The following TRABD2B variants were observed in gnomAD, a reference collection of about 807,000 sequenced individuals.
TRABD2B encodes metalloprotease TIKI2.
A neutral mutation model predicts 40.1 loss-of-function variants in TRABD2B; 14 were observed. That is an observed-to-expected ratio of 0.35 (90% confidence interval 0.23 to 0.55). The LOEUF is 0.55. TRABD2B is among the 20% of genes least tolerant of loss of function. TRABD2B has a pLI of 0.90. For missense variants in TRABD2B, 541 were observed against 648.6 expected (o/e 0.83, Z 1.80); for synonymous variants, 263 against 277.0 (o/e 0.95, Z 0.50).
At chr1:47,797,618 T>C (rs1644765412) in intron 3 of TRABD2B, among the ~76,000 whole-genome samples, 2 of 152,128 alleles carry the variant, frequency 1.3e-5, no homozygotes, top group Non-Finnish European at 2.9e-5. Context: ...TGAAGGAAAC[T>C]GGGCTAGCTC....
At chr1:47,835,463 G>A (rs1645306210) in intron 2 of TRABD2B, among the ~76,000 whole-genome samples, 1 of 152,122 alleles carries the variant, frequency 6.6e-6, no homozygotes. Context: ...AATTCAAAGA[G>A]ATCCACACCC....
chr1:47,916,666 G>A lies in TRABD2B; in HGVS notation c.666+77368C>T, dbSNP rs573058323. ...CTGAATGACAAGAAAATCCACACAG[G>A]TGGAGAAGGGCCCATTAGGGAAGCT... On this transcript the variant is annotated intron_variant, in intron 2 of 6. Coordinates refer to ENST00000606738, the MANE Select transcript of TRABD2B (RefSeq NM_001194986.2). Among the ~76,000 whole-genome samples, 3 of 152,376 alleles carry A rather than the reference G, an allele frequency of 2.0e-5. No homozygotes were observed. In the East Asian group the frequency reaches 5.8e-4, roughly 29 times the overall value.
intron 2 of TRABD2B, among the ~76,000 whole-genome samples, chr1:47,914,993 G>T (rs1465691972): frequency 6.6e-6 from 1 of 152,204 alleles, no homozygotes; most frequent in African/African-American, 2.4e-5. Context: ...CATGAAAGCA[G>T]CCCACTTCAG....
intron 2 of TRABD2B, among the ~76,000 whole-genome samples, chr1:47,901,650 G>C (rs1463635835): frequency 6.6e-6 from 1 of 152,200 alleles, no homozygotes; most frequent in Non-Finnish European, 1.5e-5. Flanking sequence ...GGAAGCAACA[G>C]GTACATAAGA....
intron 3 of TRABD2B, chr1:47,795,793 C>T: frequency 2.7e-6 from 2 of 739,408 alleles, no homozygotes; most frequent in Non-Finnish European, 3.3e-6. Flanking sequence ...GGACATAATG[C>T]AAATGCCTCC....
chr1:47,789,286 C>T (rs906657936), intron 4 of TRABD2B, among the ~76,000 whole-genome samples: 3 of 152,170 alleles, frequency 2.0e-5, no homozygotes, highest in East Asian at 3.9e-4. Flanking sequence ...GAAAATCTTA[C>T]ACCCGTGACT....
At chr1:47,784,156 C>A (rs761369622) in intron 4 of TRABD2B, among the ~76,000 whole-genome samples, 2 of 152,146 alleles carry the variant, frequency 1.3e-5, no homozygotes, top group Non-Finnish European at 2.9e-5. Context: ...AGTGAGGGGA[C>A]GTGACTCGCC....
chr1:47,952,467 G>A (rs1051383389), intron 2 of TRABD2B, among the ~76,000 whole-genome samples: 5 of 152,168 alleles, frequency 3.3e-5, no homozygotes, highest in African/African-American at 1.2e-4. Context: ...ACAAACAGAA[G>A]AATGCCAGGC....
chr1:47,801,759 A>C, intron 2 of TRABD2B, 140 bp from the exon 3 acceptor site: 1 of 1,078,450 alleles, frequency 9.3e-7, no homozygotes, highest in Non-Finnish European at 1.3e-6. Context: ...CAGCTGGCTC[A>C]GGCTGTGTGT....
At chr1:47,961,771 C>T (rs1039484448) in intron 2 of TRABD2B, among the ~76,000 whole-genome samples, 8 of 152,168 alleles carry the variant, frequency 5.3e-5, no homozygotes, top group Non-Finnish European at 7.3e-5. Flanking sequence ...GGTGGGACTG[C>T]AAACTAGTTC....
intron 2 of TRABD2B, among the ~76,000 whole-genome samples, chr1:47,809,155 G>A (rs1570003762): frequency 6.6e-6 from 1 of 152,090 alleles, no homozygotes; most frequent in South Asian, 2.1e-4. Context: ...TCCCTCAGGA[G>A]AACTCTGAGC....
intron 2 of TRABD2B, among the ~76,000 whole-genome samples, chr1:47,935,668 C>A (rs1191373957): frequency 6.6e-6 from 1 of 152,248 alleles, no homozygotes; most frequent in Non-Finnish European, 1.5e-5. Context: ...TATATCTCAA[C>A]TGGGACTGAA....
At chr1:47,817,604 G>A (rs768973040) in intron 2 of TRABD2B, among the ~76,000 whole-genome samples, 5 of 152,102 alleles carry the variant, frequency 3.3e-5, no homozygotes, top group African/African-American at 4.8e-5. Flanking sequence ...AGGACCTTCC[G>A]TCTCTGGTCC....
chr1:47,976,587 C>T (rs1480464952), intron 2 of TRABD2B, among the ~76,000 whole-genome samples: 5 of 151,986 alleles, frequency 3.3e-5, no homozygotes, highest in African/African-American at 4.8e-5. Flanking sequence ...ATGTATAGAA[C>T]GCAATTGATG....
At chr1:47,886,269 A>AC (rs1258185134) in intron 2 of TRABD2B, among the ~76,000 whole-genome samples, 2 of 152,070 alleles carry the variant, frequency 1.3e-5, no homozygotes, top group African/African-American at 4.8e-5. Context: ...TCCAAGCTCT[A>AC]CTTGGTCTCG....
chr1:47,883,051 A>G (rs1191888031), intron 2 of TRABD2B, among the ~76,000 whole-genome samples: 1 of 152,170 alleles, frequency 6.6e-6, no homozygotes, highest in Non-Finnish European at 1.5e-5. Context: ...TACAAATAAT[A>G]ATTATCATTC....
At chr1:47,875,852 A>G (rs1644218501) in intron 2 of TRABD2B, among the ~76,000 whole-genome samples, 1 of 152,144 alleles carries the variant, frequency 6.6e-6, no homozygotes, top group Non-Finnish European at 1.5e-5. Flanking sequence ...ACCCAGCCAC[A>G]GATCAGTGCT....
intron 4 of TRABD2B, among the ~76,000 whole-genome samples, chr1:47,780,863 C>T (rs953213938): frequency 6.6e-6 from 1 of 152,234 alleles, no homozygotes; most frequent in African/African-American, 2.4e-5. Flanking sequence ...GATCCAGGCT[C>T]CCGCCAAGGC....
chr1:47,896,051 A>G (rs1300875859), intron 2 of TRABD2B, among the ~76,000 whole-genome samples: 1 of 152,252 alleles, frequency 6.6e-6, no homozygotes, highest in Non-Finnish European at 1.5e-5. Context: ...TGTGATCTCC[A>G]GCCCCTAAAC....
Sources: allele counts gnomAD v4.1 joint callset (sites outside exome capture counted in the v4.1 genomes callset), GRCh38; gene constraint gnomAD v4.1.1; transcripts MANE v1.5; gene names NCBI Gene and HGNC (gene_info 2026-07-23, HGNC 2026-07-21).